The following KCNQ1 variants were observed in gnomAD, a reference collection of about 807,000 sequenced individuals.
The protein encoded by KCNQ1 is potassium voltage-gated channel subfamily KQT member 1.
KCNQ1 carries 49 observed loss-of-function variants against 72.4 expected under a neutral mutation model. The observed-to-expected ratio is 0.68, with a 90% CI of 0.54 to 0.86. The LOEUF is 0.86. Among genes scored for constraint, KCNQ1 ranks in the 40% least tolerant of loss-of-function variants. KCNQ1 has a pLI of 0.00. For missense variants in KCNQ1, 790 were observed against 945.1 expected (o/e 0.84, Z 2.15); for synonymous variants, 450 against 412.6 (o/e 1.09, Z -1.10).
In KCNQ1 at chr11:2,538,835, G is replaced by C. The variant is rs1277503655; in HGVS notation, c.477+10817G>C. ...GGGGTGGGGTGGGGGGCAGTGAGGG[G>C]CCTGGGGCAGGAGGTAGAGGAAACT... On this transcript the variant is annotated intron_variant, in intron 2 of 15. Coordinates refer to ENST00000155840, the MANE Select transcript of KCNQ1 (RefSeq NM_000218.3). This position sits in a 1 kb window ranked among gnomAD's most constrained non-coding sequence, Gnocchi z 6.7. 6.9e-6 allele frequency among the ~76,000 whole-genome samples: 1 copy of C among 144,526 alleles called. No homozygotes were observed. The allele number at this position is 144,526 out of a possible 152,430, so 94.8% of individuals were successfully genotyped here.
At chr11:2,672,292 G>A (rs1850198644) in intron 11 of KCNQ1, 1 of 398,708 alleles carries the variant, frequency 2.5e-6, no homozygotes. Flanking sequence ...CCAGCTGGGT[G>A]TGTGGGCTCC....
At chr11:2,774,559 G>C in intron 12 of KCNQ1, among the ~76,000 whole-genome samples, 1 of 152,232 alleles carries the variant, frequency 6.6e-6, no homozygotes, top group South Asian at 2.1e-4. Context: ...GTAGGGAGGA[G>C]GTCTCTGCCC....
chr11:2,823,252 T>C (rs1847774788), intron 15 of KCNQ1, among the ~76,000 whole-genome samples: 1 of 152,138 alleles, frequency 6.6e-6, no homozygotes, highest in Non-Finnish European at 1.5e-5. Flanking sequence ...CAGTCTTTGG[T>C]AGAGAAAATT....
chr11:2,633,076 T>G (rs1849389430), intron 10 of KCNQ1: 3 of 398,534 alleles, frequency 7.5e-6, no homozygotes, highest in Non-Finnish European at 1.3e-5. Flanking sequence ...TGCCAGCATT[T>G]GTTATGTTTT....
intron 10 of KCNQ1, chr11:2,622,170 A>G (rs1849184259): frequency 2.5e-6 from 1 of 398,250 alleles, no homozygotes. Context: ...CCTAAGTATT[A>G]TTGTAGAACT....
chr11:2,747,798 GA>G (rs1203662702), intron 11 of KCNQ1, among the ~76,000 whole-genome samples: 1 of 152,134 alleles, frequency 6.6e-6, no homozygotes, highest in African/African-American at 2.4e-5. Context: ...CCAGAGATCA[GA>G]AGGAGGTGGT....
chr11:2,544,612 T>C lies in KCNQ1; in HGVS notation c.477+16594T>C, dbSNP rs1318493942. ...TTCATATTTTTTATGCTATGGTCAATGGTATTTCTTCTAATCTAGAACTGA... is the reference window on the plus strand; with the variant it reads ...TTCATATTTTTTATGCTATGGTCAACGGTATTTCTTCTAATCTAGAACTGA... On this transcript the variant is annotated intron_variant, in intron 2 of 15. Coordinates refer to ENST00000155840, the MANE Select transcript of KCNQ1 (RefSeq NM_000218.3). This position sits in a 1 kb window ranked among gnomAD's most constrained non-coding sequence, Gnocchi z 4.4. Among the ~76,000 whole-genome samples, 1 of 152,200 alleles carries C rather than the reference T, an allele frequency of 6.6e-6. No individual in the cohort carries two copies. The highest frequency in any genetic ancestry group is 1.5e-5 in the Non-Finnish European group (1 of 68,032).
In KCNQ1 at chr11:2,838,820, G is replaced by T. The variant is rs12575597; in HGVS notation, c.1795-8947G>T. The stretch of plus-strand genomic sequence containing the variant: ...CAAAGTGTTCTGCCTGGTGTCCCCT[G>T]GCCTCCGGGCCTCTGCGGGCTCGCC... On this transcript the variant is annotated intron_variant, in intron 15 of 15. Coordinates refer to ENST00000155840, the MANE Select transcript of KCNQ1 (RefSeq NM_000218.3). 6.5e-4 allele frequency among the ~76,000 whole-genome samples: 99 copies of T among 152,262 alleles called. No individual in the cohort carries two copies. The East Asian group carries it at 0.018, about 27-fold the overall frequency.
rs1045548362 is a variant in KCNQ1, at chr11:2,781,388, T to C, written c.1794+3351T>C. Among the ~76,000 whole-genome samples, 10 of 152,064 alleles carry C rather than the reference T, an allele frequency of 6.6e-5. No individual in the cohort carries two copies. Among genetic ancestry groups the C allele is most frequent in the African/African-American group, 2.4e-4 (10 of 41,416 alleles). ...GGTTTCATATCACCCAAAGTCCGTA[T>C]GGAGAGGCTGAGGAGGGTTGAGGCC... On this transcript the variant is annotated intron_variant, in intron 15 of 15. Transcript: ENST00000155840. This position sits in a 1 kb window ranked among gnomAD's most constrained non-coding sequence, Gnocchi z 6.6.
rs7480753 is a variant in KCNQ1, at chr11:2,588,025, G to A, written c.1251+333G>A. ...TTCCACACCGGGCGCAGTGGGTGGT[G>A]AGCAGTGGGCAGGGGGCCGCGCGCA... On this transcript the variant is annotated intron_variant, in intron 9 of 15. Transcript: ENST00000155840. This position sits in a 1 kb window ranked among gnomAD's most constrained non-coding sequence, Gnocchi z 5.6. Among the ~76,000 whole-genome samples, 2 of 151,976 alleles carry A rather than the reference G, an allele frequency of 1.3e-5. No homozygotes were observed. The highest frequency in any genetic ancestry group is 2.1e-4 in the South Asian group (1 of 4,818).
chr11:2,697,265 C>G (rs574925478), intron 11 of KCNQ1: 3 of 398,570 alleles, frequency 7.5e-6, no homozygotes, highest in African/African-American at 6.2e-5. Context: ...GTTTCAATAA[C>G]TTTTAAGAAT....
At position 2,526,979 on chromosome 11, in the gene KCNQ1, G is replaced by A. The variant is rs552085434; in HGVS notation, c.387-949G>A. On this transcript the variant is annotated intron_variant, in intron 1 of 15. Coordinates refer to ENST00000155840, the MANE Select transcript of KCNQ1 (RefSeq NM_000218.3). This position sits in a 1 kb window ranked among gnomAD's most constrained non-coding sequence, Gnocchi z 6.1. ...CTCCGGTCGCTGAGGATCCACGGGG[G>A]TCCCTGGAGTCTCCGGAGCCCGTGG... 1.5e-4 allele frequency among the ~76,000 whole-genome samples: 23 copies of A among 152,142 alleles called. No homozygotes were observed. The highest frequency in any genetic ancestry group is 5.1e-4 in the African/African-American group (21 of 41,414).
At position 2,828,934 on chromosome 11, in the gene KCNQ1, C is replaced by G. The variant is rs920047275; in HGVS notation, c.1795-18833C>G. Among the ~76,000 whole-genome samples, 2 of 152,298 alleles carry G rather than the reference C, an allele frequency of 1.3e-5. No individual in the cohort carries two copies. The highest frequency in any genetic ancestry group is 2.9e-5 in the Non-Finnish European group (2 of 68,024). ...ATCAAAACGGTATCCAATTTCTTAA[C>G]AGCAATTCAGAAAGCTAGCACATAG... On this transcript the variant is annotated intron_variant, in intron 15 of 15. Transcript: ENST00000155840. This position sits in a 1 kb window ranked among gnomAD's most constrained non-coding sequence, Gnocchi z 5.3.
chr11:2,656,247 A>G (rs1054918319), intron 10 of KCNQ1: 3 of 398,542 alleles, frequency 7.5e-6, no homozygotes, highest in African/African-American at 6.2e-5. Flanking sequence ...CAACTGCATT[A>G]TATAACCTAG....
At chr11:2,502,400 G>A (rs543802165) in intron 1 of KCNQ1, among the ~76,000 whole-genome samples, 202 of 152,170 alleles carry the variant, frequency 1.3e-3, no homozygotes, top group Non-Finnish European at 1.9e-3. Flanking sequence ...TGCCAACAGT[G>A]AACAATCTGA....
At chr11:2,790,029 C>A (rs1846988920) in intron 15 of KCNQ1, among the ~76,000 whole-genome samples, 1 of 152,162 alleles carries the variant, frequency 6.6e-6, no homozygotes, top group Non-Finnish European at 1.5e-5. Flanking sequence ...CAGATTCCAG[C>A]CCTGCCCTGG....
At position 2,772,489 on chromosome 11, in the gene KCNQ1, A is replaced by G. The variant is rs1439636555; in HGVS notation, c.1591-3471A>G. 6.6e-6 allele frequency among the ~76,000 whole-genome samples: 1 copy of G among 151,956 alleles called. No homozygotes were observed. The highest frequency in any genetic ancestry group is 1.5e-5 in the Non-Finnish European group (1 of 67,992). On this transcript the variant is annotated intron_variant, in intron 12 of 15. Coordinates refer to ENST00000155840, the MANE Select transcript of KCNQ1 (RefSeq NM_000218.3). This position sits in a 1 kb window ranked among gnomAD's most constrained non-coding sequence, Gnocchi z 6.6. ...CCCAACCCCAGAGGACCACTGGACA[A>G]AGGCCCCCGTGAGCCCTAACCGTAT...
rs1369479183 is a variant in KCNQ1 at position 2,684,183 on chromosome 11, G to A, written c.1514+22102G>A. The A allele has an allele frequency of 7.5e-6, 3 of 398,616 alleles. No homozygotes were observed. The East Asian group carries it at 1.1e-4, about 14-fold the overall frequency. The allele number at this position is 398,616 out of a possible 1,614,324, so 24.7% of individuals were successfully genotyped here. Reference sequence around the variant, plus strand: ...GACTTAGGAAGAGAAGCGCCCACTGGGGCTTGGTCAGACTCTGCCAGGAGA... The same window carrying A: ...GACTTAGGAAGAGAAGCGCCCACTGAGGCTTGGTCAGACTCTGCCAGGAGA... On this transcript the variant is annotated intron_variant, in intron 11 of 15. Coordinates refer to ENST00000155840, the MANE Select transcript of KCNQ1 (RefSeq NM_000218.3).
chr11:2,473,956 A>T lies in KCNQ1; in HGVS notation c.386+28472A>T, dbSNP rs1368658593. Among the ~76,000 whole-genome samples, 1 of 152,216 alleles carries T rather than the reference A, an allele frequency of 6.6e-6. No homozygotes were observed. The highest frequency in any genetic ancestry group is 1.5e-5 in the Non-Finnish European group (1 of 68,016). On this transcript the variant is annotated intron_variant, in intron 1 of 15. Coordinates refer to ENST00000155840, the MANE Select transcript of KCNQ1 (RefSeq NM_000218.3). This position sits in a 1 kb window ranked among gnomAD's most constrained non-coding sequence, Gnocchi z 6.0. ...TCCGCAAAATAGGCCTGATGCCAGGAACGGGGCACTGCAGGGCCCTTGGGA... is the reference window on the plus strand; with the variant it reads ...TCCGCAAAATAGGCCTGATGCCAGGTACGGGGCACTGCAGGGCCCTTGGGA...
Sources: allele counts gnomAD v4.1 joint callset (sites outside exome capture counted in the v4.1 genomes callset), GRCh38; gene constraint gnomAD v4.1.1; non-coding constraint Gnocchi (gnomAD v3.1); transcripts MANE v1.5; gene names NCBI Gene and HGNC (gene_info 2026-07-23, HGNC 2026-07-21).